The following IGSF10 variants were observed in gnomAD, a reference collection of about 807,000 sequenced individuals.
IGSF10 encodes immunoglobulin superfamily member 10, also known as calvaria mechanical force protein 608.
In IGSF10, 126 loss-of-function variants were observed where a neutral mutation model predicts 128.2. That is an observed-to-expected ratio of 0.98 (90% CI 0.85 to 1.14). The LOEUF is 1.14. Among genes scored for constraint, IGSF10 ranks in the 50% most tolerant of loss-of-function variants. The probability of loss-of-function intolerance (pLI) is 0.00; values close to 1 mark genes in which losing one functional copy is unlikely to be tolerated. For synonymous variants in IGSF10, 1,185 were observed against 1,146.2 expected (o/e 1.03, Z -0.68); for missense variants, 3,295 against 3,149.8 (o/e 1.05, Z -1.10).
At chr3:151,455,425 T>G (rs936924074) in intron 4 of IGSF10, among the ~76,000 whole-genome samples, 7 of 151,824 alleles carry the variant, frequency 4.6e-5, no homozygotes, top group Admixed American at 2.0e-4. Context: ...AAGTTTCTAA[T>G]AAACTTTATT....
downstream of IGSF10, chr3:151,432,801 C>T (rs749865992): frequency 3.7e-6 from 6 of 1,612,498 alleles, no homozygotes; most frequent in Non-Finnish European, 5.1e-6. Flanking sequence ...CTTCACACTT[C>T]TGAATCTGCA....
At chr3:151,525,778 T>A in the IGSF10 span, among the ~76,000 whole-genome samples, 1 of 152,228 alleles carries the variant, frequency 6.6e-6, no homozygotes, top group South Asian at 2.1e-4. Context: ...TTTTAAGGGG[T>A]TTGCCAAATT....
At chr3:151,524,818 C>T in the IGSF10 span, among the ~76,000 whole-genome samples, 3 of 152,056 alleles carry the variant, frequency 2.0e-5, no homozygotes, top group Non-Finnish European at 4.4e-5. Flanking sequence ...TGATTTGAGA[C>T]ATGTAATAAT....
At chr3:151,507,610 C>T in the IGSF10 span, among the ~76,000 whole-genome samples, 3 of 152,076 alleles carry the variant, frequency 2.0e-5, no homozygotes, top group Non-Finnish European at 4.4e-5. Flanking sequence ...TGTCTTTCTT[C>T]ACACGATGGC....
the IGSF10 span, among the ~76,000 whole-genome samples, chr3:151,493,201 G>C: frequency 6.6e-6 from 1 of 152,112 alleles, no homozygotes; most frequent in African/African-American, 2.4e-5. Flanking sequence ...TATGTAGAAT[G>C]AACAAGTGAT....
chr3:151,543,059 A>C, the IGSF10 span, among the ~76,000 whole-genome samples: 1 of 152,190 alleles, frequency 6.6e-6, no homozygotes, highest in African/African-American at 2.4e-5. Context: ...TCCCCTAGTC[A>C]ATTTTTCAAT....
the IGSF10 span, among the ~76,000 whole-genome samples, chr3:151,590,889 G>A: frequency 1.3e-5 from 2 of 152,146 alleles, no homozygotes; most frequent in African/African-American, 2.4e-5. Context: ...CTTGGCTAGG[G>A]AGCTCTAATT....
the IGSF10 span, among the ~76,000 whole-genome samples, chr3:151,619,430 ATG>A: frequency 0.24 from 35,040 of 143,974 alleles, 4,399 homozygotes; most frequent in Non-Finnish European, 0.3. Flanking sequence ...ATTACTTTTA[ATG>A]TGTGTGTGTG....
the IGSF10 span, among the ~76,000 whole-genome samples, chr3:151,601,921 G>C: frequency 6.6e-6 from 1 of 152,176 alleles, no homozygotes; most frequent in Admixed American, 6.5e-5. Context: ...GTATAGAAAA[G>C]GCTACCAAAT....
At chr3:151,508,197 C>G in the IGSF10 span, among the ~76,000 whole-genome samples, 2 of 151,634 alleles carry the variant, frequency 1.3e-5, no homozygotes, top group Non-Finnish European at 2.9e-5. Context: ...TTTTGTTTGG[C>G]TTAAAGTTAC....
chr3:151,544,572 C>T, the IGSF10 span, among the ~76,000 whole-genome samples: 1 of 152,162 alleles, frequency 6.6e-6, no homozygotes, highest in Non-Finnish European at 1.5e-5. Flanking sequence ...ATATTTCATT[C>T]CCTACCCACC....
the IGSF10 span, among the ~76,000 whole-genome samples, chr3:151,540,090 C>T: frequency 2.0e-5 from 3 of 151,884 alleles, no homozygotes; most frequent in Non-Finnish European, 4.4e-5. Flanking sequence ...AAGCCTATCC[C>T]TCAATTAATT....
the IGSF10 span, among the ~76,000 whole-genome samples, chr3:151,592,641 A>G: frequency 6.6e-6 from 1 of 152,216 alleles, no homozygotes. Flanking sequence ...TACCTACTGC[A>G]AATACAACCC....
At chr3:151,528,675 G>A in the IGSF10 span, among the ~76,000 whole-genome samples, 2 of 152,204 alleles carry the variant, frequency 1.3e-5, no homozygotes, top group Non-Finnish European at 2.9e-5. Flanking sequence ...CCAGATATAT[G>A]CTTTTCCCAT....
chr3:151,456,077 G>T (rs1204291464), intron 4 of IGSF10, among the ~76,000 whole-genome samples: 1 of 152,150 alleles, frequency 6.6e-6, no homozygotes, highest in Admixed American at 6.5e-5. Flanking sequence ...TTGAAAATTT[G>T]GTCGAGAGAA....
rs1282083043 is a variant in IGSF10, at chr3:151,436,671, TGAC to T, written c.*15_*17del. ...AAAATAAATTCTGCCCAGATGTTGTTGACTTTATTATTTCATGTCAGATTACTT... is the reference window on the plus strand; with the variant it reads ...AAAATAAATTCTGCCCAGATGTTGTTTTTATTATTTCATGTCAGATTACTT... On this transcript the variant is annotated 3_prime_UTR_variant, in exon 8 of 8. Transcript: ENST00000282466. 1.3e-6 allele frequency: 2 copies of T among 1,535,350 alleles called. No individual in the cohort carries two copies. The highest frequency in any genetic ancestry group is 1.8e-6 in the Non-Finnish European group (2 of 1,133,172).
rs1428647330 is a variant in IGSF10 at position 151,446,441 on chromosome 3, T to A, written c.3540A>T (p.Ser1180=). The part of the protein sequence containing the change: ...EAKRDSVITS[S]LSGAITKPPM... Reference sequence around the variant, plus strand: ...GTGGCTTGGTGATAGCACCTGAAAGTGACGATGTAATCACTGAATCTCTTT... The same window carrying A: ...GTGGCTTGGTGATAGCACCTGAAAGAGACGATGTAATCACTGAATCTCTTT... The change falls in exon 6 of 8, where the codon TCA becomes TCT. Residue 1180 remains serine, a synonymous_variant. Coordinates refer to ENST00000282466, the MANE Select transcript of IGSF10 (RefSeq NM_178822.5). 1 of 1,614,000 alleles carries A rather than the reference T, an allele frequency of 6.2e-7. No homozygotes were observed. The highest frequency in any genetic ancestry group is 8.5e-7 in the Non-Finnish European group (1 of 1,179,966).
At chr3:151,460,678 T>C (rs1414770133) in intron 1 of IGSF10, among the ~76,000 whole-genome samples, 4 of 152,144 alleles carry the variant, frequency 2.6e-5, no homozygotes, top group Non-Finnish European at 5.9e-5. Context: ...ATTGTCTTTT[T>C]TGGACAAATC....
the IGSF10 span, among the ~76,000 whole-genome samples, chr3:151,504,882 C>T: frequency 6.6e-6 from 1 of 152,202 alleles, no homozygotes; most frequent in African/African-American, 2.4e-5. Flanking sequence ...CAGTAAGTTC[C>T]TCATCTCCAT....
Sources: allele counts gnomAD v4.1 joint callset (sites outside exome capture counted in the v4.1 genomes callset), GRCh38; gene constraint gnomAD v4.1.1; transcripts MANE v1.5; gene names NCBI Gene and HGNC (gene_info 2026-07-23, HGNC 2026-07-21).